The following HFM1 variants were observed in gnomAD, a reference collection of about 807,000 sequenced individuals.
HFM1 encodes probable ATP-dependent DNA helicase HFM1.
Under a neutral mutation model 192.1 loss-of-function variants are expected in HFM1, and 169 were observed. The ratio of observed to expected loss-of-function variants is 0.88; its 90% CI spans 0.78 to 1.00. The LOEUF (loss-of-function observed/expected upper bound fraction) is 1.00. Among genes scored for constraint, HFM1 ranks in the 50% least tolerant of loss-of-function variants. The pLI is 0.00. For synonymous variants in HFM1, 525 were observed against 537.8 expected (o/e 0.98, Z 0.33); for missense variants, 1,661 against 1,668.0 (o/e 1.00, Z 0.07).
intron 30 of HFM1, among the ~76,000 whole-genome samples, chr1:91,298,444 A>G (rs1648070661): frequency 6.6e-6 from 1 of 152,166 alleles, no homozygotes; most frequent in Admixed American, 6.6e-5. Flanking sequence ...GAATGCCACA[A>G]AGATACTCCT....
chr1:91,303,383 G>C (rs116833009), intron 30 of HFM1, among the ~76,000 whole-genome samples: 357 of 152,148 alleles, frequency 2.3e-3, no homozygotes, highest in African/African-American at 8.4e-3. Context: ...CCATTGTATG[G>C]ATATACCACA....
At chr1:91,365,983 A>C (rs1659250359) in intron 13 of HFM1, among the ~76,000 whole-genome samples, 1 of 139,712 alleles carries the variant, frequency 7.2e-6, no homozygotes, top group East Asian at 2.0e-4. Flanking sequence ...AAAAAAAAAA[A>C]CAGGAATAAA....
chr1:91,294,124 C>T (rs1669119925), intron 30 of HFM1, among the ~76,000 whole-genome samples: 1 of 151,326 alleles, frequency 6.6e-6, no homozygotes, highest in South Asian at 2.1e-4. Flanking sequence ...GGGTGCAGTG[C>T]ACCAGCATGG....
rs189190629 is a variant in HFM1 at position 91,291,606 on chromosome 1, C to T, written c.3392-14544G>A. 1.0e-3 allele frequency among the ~76,000 whole-genome samples: 157 copies of T among 152,216 alleles called. 1 individual carries two copies. The highest frequency in any genetic ancestry group is 3.0e-3 in the Admixed American group (46 of 15,290). ...GTCCAGGACCAGATGGATTCATAGCCGAATTCTACCAGAGGTACAAGTAGG... is the reference window on the plus strand; with the variant it reads ...GTCCAGGACCAGATGGATTCATAGCTGAATTCTACCAGAGGTACAAGTAGG... On this transcript the variant is annotated intron_variant, in intron 30 of 38. Transcript: ENST00000370425.
chr1:91,315,681 C>A (rs1316886814), intron 28 of HFM1, 134 bp downstream of exon 28: 2 of 593,808 alleles, frequency 3.4e-6, no homozygotes, highest in African/African-American at 1.9e-5. Context: ...AATAGAGAAA[C>A]CATCCCATTA....
chr1:91,381,129 TATC>T (rs1204020531), intron 6 of HFM1, 147 bp from the exon 7 acceptor site: 8 of 563,032 alleles, frequency 1.4e-5, no homozygotes, highest in Non-Finnish European at 9.5e-6. Flanking sequence ...GGAAAAGAAT[TATC>T]ATAAATTATT....
At chr1:91,340,637 C>T (rs1200967279) in intron 20 of HFM1, among the ~76,000 whole-genome samples, 1 of 152,162 alleles carries the variant, frequency 6.6e-6, no homozygotes, top group Non-Finnish European at 1.5e-5. Flanking sequence ...TAATACCCCA[C>T]TTAAAAGGCG....
At chr1:91,297,090 C>G (rs1208554443) in intron 30 of HFM1, among the ~76,000 whole-genome samples, 1 of 152,190 alleles carries the variant, frequency 6.6e-6, no homozygotes, top group Non-Finnish European at 1.5e-5. Flanking sequence ...GTCACTCCCA[C>G]CCTAATACTG....
intron 5 of HFM1, 74 bp downstream of exon 5, chr1:91,385,501 T>C: frequency 7.9e-7 from 1 of 1,260,518 alleles, no homozygotes; most frequent in Non-Finnish European, 1.1e-6. Context: ...TACTATATTT[T>C]TACATTTTCC....
rs55948138 is a variant in HFM1, at chr1:91,270,574, TA to T, written c.3773-2720del. 7.0e-3 allele frequency among the ~76,000 whole-genome samples: 722 copies of T among 102,872 alleles called. 4 individuals are homozygous for T. Among genetic ancestry groups the T allele is most frequent in the African/African-American group, 0.019 (504 of 27,118 alleles). The allele number at this position is 102,872 out of a possible 152,430, so 67.5% of individuals were successfully genotyped here. A position where few individuals can be genotyped will look rare whatever the true frequency, so the allele number is the denominator to read the frequency against. On this transcript the variant is annotated intron_variant, in intron 34 of 38. Coordinates refer to ENST00000370425, the MANE Select transcript of HFM1 (RefSeq NM_001017975.6). ...GGAAAAGTTTTTGAAGTGAGAAGAA[TA>T]AAAAAAAAAAAAAGAAAAAAGAATC...
At chr1:91,371,795 T>C (rs967858894) in intron 13 of HFM1, among the ~76,000 whole-genome samples, 58 of 151,912 alleles carry the variant, frequency 3.8e-4, no homozygotes, top group South Asian at 1.7e-3. Flanking sequence ...TCAGAGTGAA[T>C]AGGCAGCCTA....
intron 30 of HFM1, among the ~76,000 whole-genome samples, chr1:91,300,268 G>C (rs1648495802): frequency 6.6e-6 from 1 of 152,126 alleles, no homozygotes. Context: ...CCAATAACAG[G>C]CTCAGAAATT....
chr1:91,315,563 C>T (rs1458842478), intron 28 of HFM1, among the ~76,000 whole-genome samples: 1 of 152,156 alleles, frequency 6.6e-6, no homozygotes, highest in Non-Finnish European at 1.5e-5. Flanking sequence ...AGGTAATCTA[C>T]TCACTTGTTT....
rs756023448 is a variant in HFM1, at chr1:91,276,585, C to T, written c.3588+43G>A. ...AGACAGAACAAAGAATATTTATATA[C>T]GTTTAACTACAGAACAATGGGAAAA... On this transcript the variant is annotated intron_variant, in intron 32 of 38. Coordinates refer to ENST00000370425, the MANE Select transcript of HFM1 (RefSeq NM_001017975.6). 20 of 917,908 alleles carry T rather than the reference C, an allele frequency of 2.2e-5. No individual in the cohort carries two copies. The Admixed American group carries it at 3.6e-4, about 16-fold the overall frequency. The allele number at this position is 917,908 out of a possible 1,614,324, so 56.9% of individuals were successfully genotyped here.
intron 30 of HFM1, among the ~76,000 whole-genome samples, chr1:91,289,428 G>A (rs1476918327): frequency 6.6e-6 from 1 of 152,146 alleles, no homozygotes; most frequent in Non-Finnish European, 1.5e-5. Flanking sequence ...TGGGCGGCCA[G>A]GCAGAGATGC....
chr1:91,315,730 A>G, intron 28 of HFM1, 85 bp downstream of exon 28: 2 of 945,162 alleles, frequency 2.1e-6, no homozygotes, highest in Non-Finnish European at 3.1e-6. Context: ...TCCCACAATG[A>G]TCTTGTTATT....
At chr1:91,318,998 T>A in intron 25 of HFM1, 80 bp downstream of exon 25, 1 of 1,370,044 alleles carries the variant, frequency 7.3e-7, no homozygotes, top group Non-Finnish European at 1.0e-6. Context: ...TCTGTAATCA[T>A]CACAGAATAA....
At chr1:91,287,151 A>T (rs951640894) in intron 30 of HFM1, among the ~76,000 whole-genome samples, 1 of 152,224 alleles carries the variant, frequency 6.6e-6, no homozygotes, top group Admixed American at 6.5e-5. Flanking sequence ...AACTGGGTGG[A>T]GCCCACCACA....
intron 38 of HFM1, 66 bp downstream of exon 38, chr1:91,262,175 G>T (rs939436793): frequency 1.4e-6 from 1 of 697,246 alleles, no homozygotes; most frequent in Non-Finnish European, 2.3e-6. Flanking sequence ...GAAAACGGAA[G>T]GCTGAATTTC....
Sources: gnomAD v4.1 joint callset for allele counts (sites outside exome capture counted in the v4.1 genomes callset) on GRCh38, gnomAD v4.1.1 for gene constraint, MANE v1.5 for transcripts, NCBI Gene and HGNC (gene_info 2026-07-23, HGNC 2026-07-21) for gene names.